KCNN3: variants seen among roughly 807,000 people sequenced by gnomAD.
KCNN3 encodes the protein small conductance calcium-activated potassium channel protein 3.
Under a neutral mutation model 62.9 loss-of-function variants are expected in KCNN3, and 16 were observed. That is an observed-to-expected ratio of 0.25 (90% CI 0.17 to 0.39). The LOEUF is 0.39. Ranked by LOEUF, KCNN3 falls within the 10% of genes least tolerant of loss-of-function variation. The pLI, the probability that KCNN3 is intolerant of heterozygous loss-of-function variation, is 1.00. For missense variants in KCNN3, 599 were observed against 949.4 expected, an observed-to-expected ratio of 0.63 and a Z score of 4.85; for synonymous variants, 370 against 389.2, an observed-to-expected ratio of 0.95 and a Z score of 0.58.
chr1:154,777,184 T>G (rs1571264885), intron 2 of KCNN3, among the ~76,000 whole-genome samples: 1 of 152,042 alleles, frequency 6.6e-6, no homozygotes, highest in African/African-American at 2.4e-5. Flanking sequence ...CCTCCTGCTC[T>G]AAGAAGCCAT....
At chr1:154,801,482 C>A (rs925437046) in intron 2 of KCNN3, among the ~76,000 whole-genome samples, 1 of 152,164 alleles carries the variant, frequency 6.6e-6, no homozygotes, top group African/African-American at 2.4e-5. Context: ...TCCCCAAGAG[C>A]CTACGCCAAA....
chr1:154,800,419 G>A (rs1229843896), intron 2 of KCNN3, among the ~76,000 whole-genome samples: 48 of 152,168 alleles, frequency 3.2e-4, no homozygotes, highest in Admixed American at 3.1e-3. Context: ...CTCTACCACA[G>A]GACACAGATA....
intron 3 of KCNN3, among the ~76,000 whole-genome samples, chr1:154,758,791 G>GTTTTGTTTTTGTTTTTGTTTTTGT (rs60541887): frequency 2.7e-5 from 4 of 148,318 alleles, no homozygotes; most frequent in South Asian, 2.1e-4. Context: ...GGAGAACATC[G>GTTTTGTTTTTGTTTTTGTTTTTGT]TTTTGTTTTT....
intron 1 of KCNN3, among the ~76,000 whole-genome samples, chr1:154,861,173 T>C (rs573076856): frequency 2.0e-5 from 3 of 152,186 alleles, no homozygotes; most frequent in South Asian, 4.1e-4. Flanking sequence ...CAGGCTGGTC[T>C]CGAGCTCCTG....
chr1:154,707,416 T>C lies in KCNN3; in HGVS notation c.*560A>G, dbSNP rs1014319087. On this transcript the variant is annotated 3_prime_UTR_variant, in exon 8 of 8. Coordinates refer to ENST00000271915, the MANE Select transcript of KCNN3 (RefSeq NM_002249.6). ...CGAGTGGAAAATCTGGCTTTTTATT[T>C]GTCTGTGTCTTTTTTTTTTTTTTTC... 7.2e-6 allele frequency: 1 copy of C among 138,626 alleles called. No homozygotes were observed. The highest frequency in any genetic ancestry group is 2.6e-5 in the African/African-American group (1 of 39,006). 8.6% of individuals were successfully genotyped at this position (138,626 alleles called of 1,614,324 possible). A position where few individuals can be genotyped will look rare whatever the true frequency, so the allele number is the denominator to read the frequency against.
intron 1 of KCNN3, chr1:154,868,040 C>A (rs7531728): frequency 0.39 from 387,120 of 985,056 alleles, 79,351 homozygotes; most frequent in East Asian, 0.88. Context: ...CAGCTCCCCG[C>A]TAAAGCCAGT....
intron 1 of KCNN3, among the ~76,000 whole-genome samples, chr1:154,833,397 G>A (rs773597581): frequency 5.3e-5 from 8 of 152,178 alleles, no homozygotes; most frequent in South Asian, 2.1e-4. Flanking sequence ...AGCCTCGTCC[G>A]TGTTTCCCAG....
At chr1:154,771,435 G>A (rs1648556065) in intron 3 of KCNN3, among the ~76,000 whole-genome samples, 1 of 152,194 alleles carries the variant, frequency 6.6e-6, no homozygotes, top group African/African-American at 2.4e-5. Flanking sequence ...TTCATTCTGG[G>A]CTAAGGCCTG....
chr1:154,762,132 G>T (rs1389482962), intron 3 of KCNN3, among the ~76,000 whole-genome samples: 2 of 152,114 alleles, frequency 1.3e-5, no homozygotes, highest in Non-Finnish European at 2.9e-5. Flanking sequence ...TGCAGAAGAG[G>T]TTTGATGTAA....
At chr1:154,801,774 A>T (rs1253681319) in intron 2 of KCNN3, among the ~76,000 whole-genome samples, 2 of 152,122 alleles carry the variant, frequency 1.3e-5, no homozygotes, top group Non-Finnish European at 2.9e-5. Context: ...GACCTGGAAG[A>T]GCTTGAAGAG....
Position 154,709,751 on chromosome 1 carries a change from C to T in KCNN3, c.1900-1479G>A, listed in dbSNP as rs142325180. Among the ~76,000 whole-genome samples the T allele has an allele frequency of 4.3e-3, 651 of 152,284 alleles. 1 individual carries two copies. Among genetic ancestry groups the T allele is most frequent in the Non-Finnish European group, 6.6e-3 (452 of 68,026 alleles). On this transcript the variant is annotated intron_variant, in intron 7 of 7. Transcript: ENST00000271915. The stretch of plus-strand genomic sequence containing the variant: ...CAGGGTGACTTTAGAAGTGAAAGTA[C>T]TCCCTTTATTAATCAACATGACAGA...
At chr1:154,812,034 C>T (rs545429009) in intron 2 of KCNN3, among the ~76,000 whole-genome samples, 18 of 152,302 alleles carry the variant, frequency 1.2e-4, no homozygotes, top group Non-Finnish European at 2.5e-4. Context: ...GGCCCCCCTG[C>T]GGTGCTGTCA....
At chr1:154,767,576 A>G (rs1648353967) in intron 3 of KCNN3, among the ~76,000 whole-genome samples, 1 of 152,234 alleles carries the variant, frequency 6.6e-6, no homozygotes, top group African/African-American at 2.4e-5. Flanking sequence ...TGGCTCTCCA[A>G]CCTGCTGCCG....
At chr1:154,719,564 G>T (rs1265725078) in intron 5 of KCNN3, among the ~76,000 whole-genome samples, 1 of 152,142 alleles carries the variant, frequency 6.6e-6, no homozygotes, top group Non-Finnish European at 1.5e-5. Flanking sequence ...ACTGAAACTT[G>T]TTATGCAGTG....
At position 154,707,671 on chromosome 1, in the gene KCNN3, A is replaced by C; in HGVS notation, c.*305T>G. 1 of 288,436 alleles carries C rather than the reference A, an allele frequency of 3.5e-6. No homozygotes were observed. The highest frequency in any genetic ancestry group is 6.5e-6 in the Non-Finnish European group (1 of 153,890). The allele number at this position is 288,436 out of a possible 1,614,324, so 17.9% of individuals were successfully genotyped here. On this transcript the variant is annotated 3_prime_UTR_variant, in exon 8 of 8. Transcript: ENST00000271915. ...GCATCTGACCCCCACCCCCCGCGTG[A>C]AGACCTGAGATTGAGCGTGGATTTC...
At chr1:154,781,718 C>T (rs6691316) in intron 2 of KCNN3, among the ~76,000 whole-genome samples, 101,022 of 152,080 alleles carry the variant, frequency 0.66, 33,682 homozygotes, top group East Asian at 0.78. Context: ...AGCTTTGCCC[C>T]GATCAGCTTA....
At chr1:154,811,186 G>A (rs377141339) in intron 2 of KCNN3, among the ~76,000 whole-genome samples, 3 of 152,138 alleles carry the variant, frequency 2.0e-5, no homozygotes, top group Non-Finnish European at 4.4e-5. Flanking sequence ...ACGTTAGGGC[G>A]ATGGGACAGG....
At chr1:154,786,214 G>A (rs1649276332) in intron 2 of KCNN3, among the ~76,000 whole-genome samples, 1 of 152,122 alleles carries the variant, frequency 6.6e-6, no homozygotes, top group African/African-American at 2.4e-5. Context: ...TACATAAAGG[G>A]TTTAAGGTGT....
chr1:154,792,676 AAG>A (rs1220739778), intron 2 of KCNN3, among the ~76,000 whole-genome samples: 3 of 152,198 alleles, frequency 2.0e-5, no homozygotes, highest in Non-Finnish European at 4.4e-5. Flanking sequence ...TAGAGACGGA[AAG>A]AGAGAGAATT....
Sources: gnomAD v4.1 joint callset for allele counts (sites outside exome capture counted in the v4.1 genomes callset) on GRCh38, gnomAD v4.1.1 for gene constraint, MANE v1.5 for transcripts, NCBI Gene and HGNC (gene_info 2026-07-23, HGNC 2026-07-21) for gene names.